Variants in AGAP1 observed in about 807,000 individuals in gnomAD.
AGAP1 encodes ArfGAP with GTPase domain, ankyrin repeat and PH domain 1.
Under a neutral mutation model 105.3 loss-of-function variants are expected in AGAP1, and 29 were observed. The ratio of observed to expected loss-of-function variants is 0.28; its 90% CI spans 0.21 to 0.38. The LOEUF is 0.38. Among genes scored for constraint, AGAP1 ranks in the 10% least tolerant of loss-of-function variants. The pLI is 1.00. For missense variants in AGAP1, 998 were observed against 1,165.1 expected (o/e 0.86, Z 2.09); for synonymous variants, 509 against 485.9 (o/e 1.05, Z -0.63).
intron 6 of AGAP1, among the ~76,000 whole-genome samples, chr2:235,770,547 C>T (rs1955361472): frequency 6.6e-6 from 1 of 152,136 alleles, no homozygotes; most frequent in Non-Finnish European, 1.5e-5. Flanking sequence ...CAAGTGGGGG[C>T]TCCGGAGGGT....
intron 13 of AGAP1, 73 bp downstream of exon 13, chr2:235,968,696 A>G (rs2054513954): frequency 1.4e-6 from 2 of 1,463,142 alleles, no homozygotes; most frequent in African/African-American, 2.9e-5. Flanking sequence ...AAATGCGTGA[A>G]ATTAGACACC....
chr2:236,060,884 A>G (rs767751363), intron 16 of AGAP1, among the ~76,000 whole-genome samples: 1 of 152,030 alleles, frequency 6.6e-6, no homozygotes, highest in Admixed American at 6.6e-5. Context: ...CAACATAGTG[A>G]GACCCCACCT....
At chr2:235,708,155 G>A (rs1950648089) in intron 1 of AGAP1, among the ~76,000 whole-genome samples, 1 of 152,220 alleles carries the variant, frequency 6.6e-6, no homozygotes, top group Non-Finnish European at 1.5e-5. Context: ...TTATGAATCA[G>A]GTCACTTCTT....
chr2:235,634,337 A>G (rs1946923668), intron 1 of AGAP1, among the ~76,000 whole-genome samples: 1 of 152,176 alleles, frequency 6.6e-6, no homozygotes, highest in Non-Finnish European at 1.5e-5. Flanking sequence ...CAGCAGCAGC[A>G]CTGTTGTGGT....
Position 235,663,212 on chromosome 2 carries a change from G to A in AGAP1, c.164-45967G>A, listed in dbSNP as rs1198295831. The stretch of plus-strand genomic sequence containing the variant: ...TGATCCCATCTACTTGGGAGGCTGA[G>A]GCAGGAGAATTGCTTGAACCTGGGA... On this transcript the variant is annotated intron_variant, in intron 1 of 17. Coordinates refer to ENST00000304032, the MANE Select transcript of AGAP1 (RefSeq NM_001037131.3). This position sits in a 1 kb window ranked among gnomAD's most constrained non-coding sequence, Gnocchi z 5.4. 6.6e-6 allele frequency among the ~76,000 whole-genome samples: 1 copy of A among 152,124 alleles called. No homozygotes were observed. Among genetic ancestry groups the A allele is most frequent in the Admixed American group, 6.5e-5 (1 of 15,276 alleles).
chr2:235,741,123 A>T lies in AGAP1; in HGVS notation c.396+75A>T. 7.7e-7 allele frequency: 1 copy of T among 1,291,112 alleles called. No homozygotes were observed. The highest frequency in any genetic ancestry group is 1.0e-6 in the Non-Finnish European group (1 of 960,740). The allele number at this position is 1,291,112 out of a possible 1,614,324, so 80.0% of individuals were successfully genotyped here. ...AAGGTTTGATTCAAGAAGTGCTTCTAGAAATCGGTGACTTGGTTTCCAAAA... is the reference window on the plus strand; with the variant it reads ...AAGGTTTGATTCAAGAAGTGCTTCTTGAAATCGGTGACTTGGTTTCCAAAA... On this transcript the variant is annotated intron_variant, in intron 4 of 17. Coordinates refer to ENST00000304032, the MANE Select transcript of AGAP1 (RefSeq NM_001037131.3). This position sits in a 1 kb window ranked among gnomAD's most constrained non-coding sequence, Gnocchi z 4.9.
rs113140708 is a variant in AGAP1, at chr2:235,732,882, A to G, written c.311-8081A>G. On this transcript the variant is annotated intron_variant, in intron 3 of 17. Coordinates refer to ENST00000304032, the MANE Select transcript of AGAP1 (RefSeq NM_001037131.3). The surrounding 1 kb of genome is among the most constrained non-coding windows in gnomAD (Gnocchi z 4.8). Reference sequence around the variant, plus strand: ...GCCAGACCATTCTACCCACACTCCCATTTGCCAGACCTCAGCCACCTCCCC... The same window carrying G: ...GCCAGACCATTCTACCCACACTCCCGTTTGCCAGACCTCAGCCACCTCCCC... 8.1e-4 allele frequency among the ~76,000 whole-genome samples: 123 copies of G among 152,116 alleles called. No homozygotes were observed. The highest frequency in any genetic ancestry group is 2.9e-3 in the African/African-American group (120 of 41,516).
chr2:236,103,117 G>A (rs947553149), intron 16 of AGAP1, among the ~76,000 whole-genome samples: 52 of 151,306 alleles, frequency 3.4e-4, no homozygotes, highest in South Asian at 6.3e-4. Flanking sequence ...CCTGCACAGC[G>A]CCTCCTCCCT....
rs2052680028 is a variant in AGAP1 at position 235,930,701 on chromosome 2, A to G, written c.1325-64A>G. 3 of 1,533,878 alleles carry G rather than the reference A, an allele frequency of 2.0e-6. No individual in the cohort carries two copies. Among genetic ancestry groups the G allele is most frequent in the Non-Finnish European group, 2.7e-6 (3 of 1,130,886 alleles). ...TGCCAGCGTGTGGGTCCCATAGACT[A>G]ACTCGCGCTGGTTTCTGTGGTCTGC... On this transcript the variant is annotated intron_variant, in intron 11 of 17. Transcript: ENST00000304032. This position sits in a 1 kb window ranked among gnomAD's most constrained non-coding sequence, Gnocchi z 7.9.
In AGAP1 at chr2:236,021,841, G is replaced by A. The variant is rs575220931; in HGVS notation, c.1646-14720G>A. Among the ~76,000 whole-genome samples the A allele has an allele frequency of 1.4e-4, 22 of 151,912 alleles. 1 individual carries two copies. The South Asian group carries it at 2.3e-3, about 16-fold the overall frequency. On this transcript the variant is annotated intron_variant, in intron 13 of 17. Coordinates refer to ENST00000304032, the MANE Select transcript of AGAP1 (RefSeq NM_001037131.3). The stretch of plus-strand genomic sequence containing the variant: ...TGGGAGGCTGAGGTGGGCAGGTTGC[G>A]TGAGTTAAGGAGTTCGAGACCAGCC...
chr2:235,863,690 G>A (rs1451707056), intron 9 of AGAP1, among the ~76,000 whole-genome samples: 2 of 152,216 alleles, frequency 1.3e-5, no homozygotes, highest in Non-Finnish European at 2.9e-5. Context: ...ACTACGGGTC[G>A]CTGGCCAATG....
chr2:235,705,610 T>A lies in AGAP1; in HGVS notation c.164-3569T>A, dbSNP rs974771216. On this transcript the variant is annotated intron_variant, in intron 1 of 17. Coordinates refer to ENST00000304032, the MANE Select transcript of AGAP1 (RefSeq NM_001037131.3). This position sits in a 1 kb window ranked among gnomAD's most constrained non-coding sequence, Gnocchi z 4.9. ...TGCATGGCTTTCGCGAATGTTTTGT[T>A]AATTTTCGTTTAGCTTTGTATGAGG... Among the ~76,000 whole-genome samples, 2 of 152,220 alleles carry A rather than the reference T, an allele frequency of 1.3e-5. No homozygotes were observed. Among genetic ancestry groups the A allele is most frequent in the Non-Finnish European group, 2.9e-5 (2 of 68,050 alleles).
At chr2:235,759,776 A>G (rs184796406) in intron 6 of AGAP1, among the ~76,000 whole-genome samples, 8 of 152,294 alleles carry the variant, frequency 5.3e-5, no homozygotes, top group Non-Finnish European at 8.8e-5. Flanking sequence ...TCCTTTCTTC[A>G]TATGCATTTT....
At chr2:235,675,316 G>A (rs1948677093) in intron 1 of AGAP1, among the ~76,000 whole-genome samples, 1 of 151,156 alleles carries the variant, frequency 6.6e-6, no homozygotes, top group Non-Finnish European at 1.5e-5. Context: ...CAGCCTCTCC[G>A]AATAGCTGGG....
chr2:235,935,793 A>G (rs1288534954), intron 12 of AGAP1, among the ~76,000 whole-genome samples: 2 of 152,170 alleles, frequency 1.3e-5, no homozygotes, highest in Admixed American at 6.5e-5. Flanking sequence ...AATTTCCTCT[A>G]GAAGCGTTAG....
intron 9 of AGAP1, among the ~76,000 whole-genome samples, chr2:235,851,718 A>T (rs1384518196): frequency 6.6e-6 from 1 of 152,134 alleles, no homozygotes; most frequent in African/African-American, 2.4e-5. Context: ...GAAGAAGGGG[A>T]CGGGGAAGCG....
At chr2:236,008,915 G>C (rs1402991335) in intron 13 of AGAP1, among the ~76,000 whole-genome samples, 1 of 152,284 alleles carries the variant, frequency 6.6e-6, no homozygotes, top group East Asian at 1.9e-4. Context: ...TCTGTGTTTT[G>C]TGGCTCCAAA....
In AGAP1 at chr2:235,611,106, C is replaced by G. The variant is rs546150853; in HGVS notation, c.164-98073C>G. ...GGCTAGTGTGTTGACCTTCCACTGCCCCGAGGGGAGGACTCTGCCCTACTG... is the reference window on the plus strand; with the variant it reads ...GGCTAGTGTGTTGACCTTCCACTGCGCCGAGGGGAGGACTCTGCCCTACTG... On this transcript the variant is annotated intron_variant, in intron 1 of 17. Transcript: ENST00000304032. This position sits in a 1 kb window ranked among gnomAD's most constrained non-coding sequence, Gnocchi z 5.0. 5.3e-5 allele frequency among the ~76,000 whole-genome samples: 8 copies of G among 151,738 alleles called. No individual in the cohort carries two copies. The highest frequency in any genetic ancestry group is 7.3e-5 in the Non-Finnish European group (5 of 68,034).
chr2:235,782,675 TG>T (rs1366676744), intron 6 of AGAP1, among the ~76,000 whole-genome samples: 8 of 152,218 alleles, frequency 5.3e-5, no homozygotes, highest in African/African-American at 1.7e-4. Flanking sequence ...AAAGGTGCTG[TG>T]TAGCAGTACC....
Sources: gnomAD v4.1 joint callset for allele counts (sites outside exome capture counted in the v4.1 genomes callset) on GRCh38, gnomAD v4.1.1 for gene constraint, Gnocchi (gnomAD v3.1) non-coding constraint, MANE v1.5 for transcripts, NCBI Gene and HGNC (gene_info 2026-07-23, HGNC 2026-07-21) for gene names.